The following CNIH3 variants were observed in gnomAD, a reference collection of about 807,000 sequenced individuals.
CNIH3 encodes the protein cornichon family AMPA receptor auxiliary protein 3, also known as protein cornichon homolog 3.
In CNIH3, 14 loss-of-function variants were observed where a neutral mutation model predicts 24.1. That is an observed-to-expected ratio of 0.58 (90% CI 0.38 to 0.91). The LOEUF is 0.91. Among genes scored for constraint, CNIH3 ranks in the 40% least tolerant of loss-of-function variants. CNIH3 has a pLI of 0.00. For missense variants in CNIH3, 178 were observed against 196.8 expected (o/e 0.90, Z 0.57); for synonymous variants, 68 against 73.8 (o/e 0.92, Z 0.40).
At position 224,501,045 on chromosome 1, in the gene CNIH3, C is replaced by T. The variant is rs911457107; in HGVS notation, n.204-14696C>T. On this transcript the variant is annotated intron_variant and non_coding_transcript_variant, in intron 1 of 5. Transcript: ENST00000471578. Reference sequence around the variant, plus strand: ...CCTGCTTATGCTTCAAAGCCTTGCTCGTGGGCCACCTCTGCTGCTGTGCCT... The same window carrying T: ...CCTGCTTATGCTTCAAAGCCTTGCTTGTGGGCCACCTCTGCTGCTGTGCCT... 4.6e-5 allele frequency among the ~76,000 whole-genome samples: 7 copies of T among 152,356 alleles called. No individual in the cohort carries two copies. The South Asian group carries it at 6.2e-4, about 14-fold the overall frequency.
At chr1:224,437,777 T>C (rs529677277) in intron 1 of CNIH3, among the ~76,000 whole-genome samples, 19 of 152,308 alleles carry the variant, frequency 1.2e-4, no homozygotes, top group Middle Eastern at 3.4e-3. Context: ...CAAAGTAAAA[T>C]ATATTTCTTC....
chr1:224,576,601 A>G (rs189434517), intron 4 of CNIH3, among the ~76,000 whole-genome samples: 2 of 152,332 alleles, frequency 1.3e-5, no homozygotes, highest in Admixed American at 1.3e-4. Context: ...CAGTGTTTGC[A>G]TTCTTATGAC....
At chr1:224,632,425 G>T (rs1335998045) in intron 1 of CNIH3, among the ~76,000 whole-genome samples, 1 of 152,174 alleles carries the variant, frequency 6.6e-6, no homozygotes, top group Non-Finnish European at 1.5e-5. Flanking sequence ...TTCTGCTACA[G>T]TGAATCCCAT....
upstream of CNIH3, among the ~76,000 whole-genome samples, chr1:224,613,694 C>T (rs1380760146): frequency 6.6e-6 from 1 of 152,096 alleles, no homozygotes; most frequent in Non-Finnish European, 1.5e-5. Context: ...GGCACTTCTC[C>T]ACAACACTCT....
intron 1 of CNIH3, among the ~76,000 whole-genome samples, chr1:224,649,963 T>C (rs1684789795): frequency 6.6e-6 from 1 of 152,180 alleles, no homozygotes; most frequent in Non-Finnish European, 1.5e-5. Context: ...GGCAGAAATC[T>C]TAGAGGTCTT....
intron 4 of CNIH3, chr1:224,575,442 ATT>A (rs57325458): frequency 4.7e-4 from 314 of 672,450 alleles, no homozygotes; most frequent in Admixed American, 1.1e-3. Context: ...TTTCTGTCTC[ATT>A]TTTTTTTTTC....
At chr1:224,489,543 C>T (rs897363140) in intron 1 of CNIH3, among the ~76,000 whole-genome samples, 1 of 152,196 alleles carries the variant, frequency 6.6e-6, no homozygotes, top group African/African-American at 2.4e-5. Flanking sequence ...AATGTCCACT[C>T]CCCTCCAGCA....
intron 2 of CNIH3, among the ~76,000 whole-genome samples, chr1:224,522,553 G>A (rs1277856050): frequency 6.6e-6 from 1 of 152,188 alleles, no homozygotes. Context: ...AACAACTCCA[G>A]CAAATAAATC....
chr1:224,582,762 C>T (rs1210191605), intron 4 of CNIH3, among the ~76,000 whole-genome samples: 1 of 152,200 alleles, frequency 6.6e-6, no homozygotes, highest in Non-Finnish European at 1.5e-5. Context: ...TTTCTCAATA[C>T]TAAGATGGTC....
chr1:224,694,714 T>C (rs1687083081), intron 3 of CNIH3, among the ~76,000 whole-genome samples: 1 of 152,032 alleles, frequency 6.6e-6, no homozygotes, highest in South Asian at 2.1e-4. Context: ...GGAAAGAAAA[T>C]GTGGCATGTA....
At chr1:224,472,070 AGGGT>A (rs1309763342) in intron 1 of CNIH3, among the ~76,000 whole-genome samples, 2 of 152,006 alleles carry the variant, frequency 1.3e-5, no homozygotes, top group Admixed American at 6.6e-5. Context: ...TTTTTTTGGG[AGGGT>A]GGGTATTTCC....
At chr1:224,585,760 CAAACCT>C (rs374355174) in intron 5 of CNIH3, among the ~76,000 whole-genome samples, 1 of 152,020 alleles carries the variant, frequency 6.6e-6, no homozygotes, top group African/African-American at 2.4e-5. Context: ...GCTGAGATTA[CAAACCT>C]AAATGAGCCA....
chr1:224,569,331 C>T (rs868344416), intron 4 of CNIH3, among the ~76,000 whole-genome samples: 1 of 152,048 alleles, frequency 6.6e-6, no homozygotes, highest in Non-Finnish European at 1.5e-5. Context: ...GAGTTTCATC[C>T]GTGTAGTTGT....
At chr1:224,603,517 A>G (rs1434659407) in intron 3 of CNIH3, among the ~76,000 whole-genome samples, 1 of 152,110 alleles carries the variant, frequency 6.6e-6, no homozygotes, top group Non-Finnish European at 1.5e-5. Flanking sequence ...CTTCTTGATC[A>G]CCTTCAGCTC....
chr1:224,714,446 GT>G (rs772628425), intron 3 of CNIH3, among the ~76,000 whole-genome samples: 16 of 152,312 alleles, frequency 1.1e-4, no homozygotes, highest in Admixed American at 9.1e-4. Flanking sequence ...TGTGCTGGCT[GT>G]TTCCTTTGCT....
At chr1:224,695,077 A>C (rs1456745678) in intron 3 of CNIH3, among the ~76,000 whole-genome samples, 1 of 152,224 alleles carries the variant, frequency 6.6e-6, no homozygotes, top group African/African-American at 2.4e-5. Flanking sequence ...CTCCCCAAAA[A>C]CTATTGAAAT....
intron 3 of CNIH3, among the ~76,000 whole-genome samples, chr1:224,600,764 G>A (rs534107539): frequency 6.6e-6 from 1 of 152,320 alleles, no homozygotes; most frequent in East Asian, 1.9e-4. Context: ...TGTATTTGGA[G>A]AAAGTCCCTA....
intron 1 of CNIH3, among the ~76,000 whole-genome samples, chr1:224,625,550 C>T (rs960099162): frequency 2.0e-5 from 3 of 152,146 alleles, no homozygotes; most frequent in African/African-American, 7.2e-5. Flanking sequence ...AGCGAGACTC[C>T]GTCTCAAAAG....
chr1:224,739,752 T>C lies in CNIH3; in HGVS notation c.*396T>C, dbSNP rs1312145640. ...CGGAGGCTGGAAGGCCACAAGGTGCTTGCTAAGGAACAGAATGACCCAGAG... is the reference window on the plus strand; with the variant it reads ...CGGAGGCTGGAAGGCCACAAGGTGCCTGCTAAGGAACAGAATGACCCAGAG... On this transcript the variant is annotated 3_prime_UTR_variant, in exon 6 of 6. Coordinates refer to ENST00000272133, the MANE Select transcript of CNIH3 (RefSeq NM_152495.2). The C allele has an allele frequency of 4.4e-6, 1 of 226,398 alleles. No homozygotes were observed. Among genetic ancestry groups the C allele is most frequent in the African/African-American group, 2.3e-5 (1 of 43,146 alleles). 14.0% of individuals were successfully genotyped at this position (226,398 alleles called of 1,614,324 possible).
Sources: allele counts gnomAD v4.1 joint callset (sites outside exome capture counted in the v4.1 genomes callset), GRCh38; gene constraint gnomAD v4.1.1; transcripts MANE v1.5; gene names NCBI Gene and HGNC (gene_info 2026-07-23, HGNC 2026-07-21).